The following TSNAX variants were observed in gnomAD, a reference collection of about 807,000 sequenced individuals.
The protein encoded by TSNAX is translin associated factor X.
Under a neutral mutation model 33.0 loss-of-function variants are expected in TSNAX, and 12 were observed. The ratio of observed to expected loss-of-function variants is 0.36; its 90% CI spans 0.23 to 0.59. TSNAX has a LOEUF of 0.59. Among genes scored for constraint, TSNAX ranks in the 20% least tolerant of loss-of-function variants. The pLI is 0.74. For missense variants in TSNAX, 267 were observed against 341.3 expected, an observed-to-expected ratio of 0.78 and a Z score of 1.72; for synonymous variants, 110 against 117.2, an observed-to-expected ratio of 0.94 and a Z score of 0.40.
At chr1:231,549,986 C>T (rs1234728331) in intron 4 of TSNAX, among the ~76,000 whole-genome samples, 1 of 152,210 alleles carries the variant, frequency 6.6e-6, no homozygotes, top group Non-Finnish European at 1.5e-5. Flanking sequence ...ATGCAGATGG[C>T]TATCTTTTCC....
At chr1:231,555,848 C>T (rs761716554) in intron 4 of TSNAX, among the ~76,000 whole-genome samples, 6 of 152,030 alleles carry the variant, frequency 3.9e-5, no homozygotes, top group Non-Finnish European at 8.8e-5. Context: ...GGGTAGATGT[C>T]CATTTGTAGA....
intron 4 of TSNAX, among the ~76,000 whole-genome samples, chr1:231,544,587 A>C (rs114159699): frequency 0.013 from 2,007 of 152,340 alleles, 50 homozygotes; most frequent in African/African-American, 0.046. Context: ...AAGTTCCCCA[A>C]ATATCTGTGG....
chr1:231,560,561 C>G (rs1320803615), intron 4 of TSNAX, among the ~76,000 whole-genome samples: 1 of 151,068 alleles, frequency 6.6e-6, no homozygotes, highest in Non-Finnish European at 1.5e-5. Flanking sequence ...ATTACGGGCT[C>G]CTGCCACCAC....
chr1:231,558,819 A>C (rs1366429727), intron 4 of TSNAX, among the ~76,000 whole-genome samples: 1 of 152,174 alleles, frequency 6.6e-6, no homozygotes, highest in African/African-American at 2.4e-5. Flanking sequence ...CTGTTTTGTT[A>C]AACTTAACCT....
At chr1:231,559,989 T>TA (rs1558137422) in intron 4 of TSNAX, among the ~76,000 whole-genome samples, 4 of 148,576 alleles carry the variant, frequency 2.7e-5, no homozygotes, top group African/African-American at 1.0e-4. Flanking sequence ...ATTATTATTT[T>TA]TTTTTTTTTG....
At chr1:231,540,092 TG>T (rs1659469241) in intron 3 of TSNAX, among the ~76,000 whole-genome samples, 2 of 148,012 alleles carry the variant, frequency 1.4e-5, no homozygotes, top group Non-Finnish European at 3.0e-5. Context: ...GAGAATTGCT[TG>T]AACTCAGGAA....
chr1:231,539,345 G>A (rs1572109846), intron 3 of TSNAX, among the ~76,000 whole-genome samples: 1 of 152,092 alleles, frequency 6.6e-6, no homozygotes. Flanking sequence ...TTTGGATTTC[G>A]GATTTTGGAA....
rs1658926337 is a variant in TSNAX, at chr1:231,533,487, A to G, written c.122-3726A>G. On this transcript the variant is annotated intron_variant, in intron 2 of 5. Transcript: ENST00000366639. ...GTTCAACTCAAACCCAGGATCTTTA[A>G]TGTCCGAGCAACCACTTTGCTATCA... 2.0e-5 allele frequency among the ~76,000 whole-genome samples: 3 copies of G among 152,240 alleles called. No individual in the cohort carries two copies. In the South Asian group the frequency reaches 6.2e-4, roughly 31 times the overall value.
rs1266302892 is a variant in TSNAX, at chr1:231,565,504, T to G, written c.*599T>G. The G allele has an allele frequency of 6.6e-6, 1 of 152,480 alleles. No individual in the cohort carries two copies. Among genetic ancestry groups the G allele is most frequent in the African/African-American group, 2.4e-5 (1 of 41,448 alleles). The allele number at this position is 152,480 out of a possible 1,614,324, so 9.4% of individuals were successfully genotyped here. ...ACTTTGGGAGGCCGAGGTAGGCAGA[T>G]CACGAGGTCAAGAGATCAAGACCAG... is the stretch of plus-strand genomic sequence containing the variant. On this transcript the variant is annotated 3_prime_UTR_variant, in exon 6 of 6. Coordinates refer to ENST00000366639, the MANE Select transcript of TSNAX (RefSeq NM_005999.3).
Position 231,542,485 on chromosome 1 carries a change from C to G in TSNAX, c.241C>G (p.Pro81Ala). 1 of 1,613,536 alleles carries G rather than the reference C, an allele frequency of 6.2e-7. No homozygotes were observed. The highest frequency in any genetic ancestry group is 8.5e-7 in the Non-Finnish European group (1 of 1,179,768). The change falls in exon 4 of 6, where the codon CCT (proline) becomes GCT (alanine). Residue 81 changes from proline (P) to alanine (A), a missense_variant. By Grantham distance (27) the Pro-to-Ala change is conservative. This residue lies in a region of TSNAX where 200 missense variants were observed against 214.1 expected (regional missense o/e 0.93). Transcript: ENST00000366639. ...TTCCCAATATCTTGATCATAGTGCT[C>G]CTGATATGGAAGATATATTGACTGA... ...IFLLHRITSA[P>A]DMEDILTESE...
intron 4 of TSNAX, among the ~76,000 whole-genome samples, chr1:231,558,197 T>G (rs202180655): frequency 8.5e-5 from 13 of 152,052 alleles, no homozygotes; most frequent in Non-Finnish European, 1.9e-4. Flanking sequence ...TGGAAAGGAA[T>G]TCCCTGCCCA....
chr1:231,534,900 A>G (rs1659056313), intron 2 of TSNAX: 2 of 152,246 alleles, frequency 1.3e-5, no homozygotes, highest in Admixed American at 6.5e-5. Flanking sequence ...CGAAGGATAA[A>G]TGTAAATCAG....
In TSNAX at chr1:231,528,717, G is replaced by T. The variant is rs757565162; in HGVS notation, c.-94G>T. The T allele has an allele frequency of 4.0e-6, 6 of 1,486,850 alleles. No homozygotes were observed. Among genetic ancestry groups the T allele is most frequent in the African/African-American group, 1.4e-5 (1 of 72,062 alleles). The allele number at this position is 1,486,850 out of a possible 1,614,324, so 92.1% of individuals were successfully genotyped here. A position where few individuals can be genotyped will look rare whatever the true frequency, so the allele number is the denominator to read the frequency against. ...CCGGCTGCAAAGCGTTTTTCTGCAGGCTGTTTTCCCAGGTTCCCTCGGCCT... is the reference window on the plus strand; with the variant it reads ...CCGGCTGCAAAGCGTTTTTCTGCAGTCTGTTTTCCCAGGTTCCCTCGGCCT... On this transcript the variant is annotated 5_prime_UTR_variant, in exon 1 of 6. Coordinates refer to ENST00000366639, the MANE Select transcript of TSNAX (RefSeq NM_005999.3).
Position 231,528,818 on chromosome 1 carries a change from A to G in TSNAX, c.8A>G (p.Asn3Ser), listed in dbSNP as rs1658436995. The change falls in exon 1 of 6, where the codon AAC (asparagine) becomes AGC (serine). Residue 3 changes from asparagine (N) to serine (S), a missense_variant. Transcript: ENST00000366639. The part of the protein sequence containing the change: MS[N>S]KEGSGGFRKR... ...ACCGTAGGCTGTGACGACATGAGCAACAAAGAAGGTGGCGTCCTTAACAAC... is the reference window on the plus strand; with the variant it reads ...ACCGTAGGCTGTGACGACATGAGCAGCAAAGAAGGTGGCGTCCTTAACAAC... 2 of 1,614,086 alleles carry G rather than the reference A, an allele frequency of 1.2e-6. No individual in the cohort carries two copies. The highest frequency in any genetic ancestry group is 8.5e-7 in the Non-Finnish European group (1 of 1,180,052).
Position 231,564,687 on chromosome 1 carries a change from C to A in TSNAX, c.655C>A (p.Gln219Lys), listed in dbSNP as rs768216336. The change falls in exon 6 of 6, where the codon CAG becomes AAG. Residue 219 changes from glutamine to lysine, a missense_variant. This residue lies in a region of TSNAX where 67 missense variants were observed against 127.2 expected (regional missense o/e 0.53). Coordinates refer to ENST00000366639, the MANE Select transcript of TSNAX (RefSeq NM_005999.3). The stretch of plus-strand genomic sequence containing the variant: ...CATTGATACCCCCTTTGAAGTGAGC[C>A]AGTTTTTACGTCAGGTTTATGATGG... ...GDIDTPFEVS[Q>K]FLRQVYDGFS... The A allele has an allele frequency of 9.3e-6, 15 of 1,613,946 alleles. No homozygotes were observed. The highest frequency in any genetic ancestry group is 1.6e-4 in the Middle Eastern group (1 of 6,084).
intron 3 of TSNAX, among the ~76,000 whole-genome samples, chr1:231,538,570 A>G (rs1448983643): frequency 1.3e-5 from 2 of 152,248 alleles, no homozygotes; most frequent in Non-Finnish European, 2.9e-5. Context: ...GTTTTAGTCC[A>G]GCTTCTGAAG....
chr1:231,555,569 A>G (rs538127922), intron 4 of TSNAX, among the ~76,000 whole-genome samples: 1 of 152,332 alleles, frequency 6.6e-6, no homozygotes, highest in Non-Finnish European at 1.5e-5. Context: ...GGTAAATGTT[A>G]TGTTTGTTTT....
intron 4 of TSNAX, among the ~76,000 whole-genome samples, chr1:231,547,897 G>A (rs1426005454): frequency 1.4e-5 from 2 of 140,472 alleles, no homozygotes; most frequent in Admixed American, 7.6e-5. Context: ...CTGGAGTGCA[G>A]TGGCACGATC....
chr1:231,549,581 AAGTT>A (rs2124921203), intron 4 of TSNAX, among the ~76,000 whole-genome samples: 1 of 152,354 alleles, frequency 6.6e-6, no homozygotes, highest in South Asian at 2.1e-4. Flanking sequence ...ATGAGGCAGA[AAGTT>A]AGATTAATTC....
Sources: allele counts gnomAD v4.1 joint callset (sites outside exome capture counted in the v4.1 genomes callset), GRCh38; gene constraint gnomAD v4.1.1; regional missense constraint gnomAD v4.1.1; transcripts MANE v1.5; gene names NCBI Gene and HGNC (gene_info 2026-07-23, HGNC 2026-07-21).